Variants in SPHKAP observed in about 807,000 individuals in gnomAD.
SPHKAP encodes the protein SPHK1 interactor, AKAP domain containing.
A neutral mutation model predicts 137.5 loss-of-function variants in SPHKAP; 67 were observed. That is an observed-to-expected ratio of 0.49 (90% CI 0.40 to 0.60). The LOEUF is 0.60. SPHKAP is among the 20% of genes least tolerant of loss of function. The pLI is 0.00. For synonymous variants in SPHKAP, 813 were observed against 785.3 expected (o/e 1.04, Z -0.59); for missense variants, 2,097 against 2,069.3 (o/e 1.01, Z -0.26).
intron 1 of SPHKAP, among the ~76,000 whole-genome samples, chr2:228,141,004 A>G (rs1443842055): frequency 2.0e-5 from 3 of 152,186 alleles, no homozygotes; most frequent in African/African-American, 7.2e-5. Flanking sequence ...TAGCAAAAAA[A>G]CAGCCTAATA....
Position 228,017,727 on chromosome 2 carries a change from C to T in SPHKAP, c.3127G>A (p.Ala1043Thr). The part of the protein sequence containing the change: ...DSVNLFANEV[A>T]AKIMNLTEFS... ...TCCGTTAGGTTCATGATCTTGGCTGCCACTTCATTGGCAAAAAGATTGACA... is the reference window on the plus strand; with the variant it reads ...TCCGTTAGGTTCATGATCTTGGCTGTCACTTCATTGGCAAAAAGATTGACA... The change falls in exon 7 of 12, where the codon GCA becomes ACA. Residue 1043 changes from alanine to threonine, a missense_variant. Physicochemically the swap from Ala to Thr is moderately conservative, Grantham distance 58. Coordinates refer to ENST00000392056, the MANE Select transcript of SPHKAP (RefSeq NM_001142644.2). 1 of 1,614,058 alleles carries T rather than the reference C, an allele frequency of 6.2e-7. No individual in the cohort carries two copies. The highest frequency in any genetic ancestry group is 8.5e-7 in the Non-Finnish European group (1 of 1,179,996).
chr2:228,175,293 GTT>G (rs148627469), intron 1 of SPHKAP, among the ~76,000 whole-genome samples: 2 of 151,570 alleles, frequency 1.3e-5, no homozygotes, highest in African/African-American at 4.8e-5. Flanking sequence ...ATAAATGAAG[GTT>G]TTTTTTCATA....
At chr2:228,180,043 A>C (rs1376015926) in intron 1 of SPHKAP, among the ~76,000 whole-genome samples, 1 of 152,110 alleles carries the variant, frequency 6.6e-6, no homozygotes, top group Non-Finnish European at 1.5e-5. Context: ...CTTTCCAAAC[A>C]CCTTAATGCC....
intron 3 of SPHKAP, among the ~76,000 whole-genome samples, chr2:228,107,301 A>C (rs767930437): frequency 6.6e-6 from 1 of 152,100 alleles, no homozygotes; most frequent in Admixed American, 6.6e-5. Context: ...TATGAGTTCA[A>C]CTTTTTTAAT....
intron 1 of SPHKAP, among the ~76,000 whole-genome samples, chr2:228,180,396 C>A (rs1463554093): frequency 6.6e-6 from 1 of 152,206 alleles, no homozygotes; most frequent in Non-Finnish European, 1.5e-5. Flanking sequence ...CCTCCCCTCC[C>A]ACCGCATCTC....
At chr2:228,110,812 G>GGTTTT (rs988883191) in intron 2 of SPHKAP, among the ~76,000 whole-genome samples, 2 of 151,736 alleles carry the variant, frequency 1.3e-5, no homozygotes, top group Non-Finnish European at 2.9e-5. Flanking sequence ...CTCGCTAAAG[G>GGTTTT]GTTTTGTTTT....
chr2:228,000,519 G>A (rs1484020316), intron 7 of SPHKAP, among the ~76,000 whole-genome samples: 1 of 152,080 alleles, frequency 6.6e-6, no homozygotes, highest in Admixed American at 6.6e-5. Flanking sequence ...TCGGGAGGCT[G>A]AGGCAGGAGA....
In SPHKAP at chr2:228,017,941, T is replaced by A; in HGVS notation, c.2913A>T (p.Thr971=). 1.2e-6 allele frequency: 2 copies of A among 1,614,048 alleles called. No homozygotes were observed. The highest frequency in any genetic ancestry group is 1.3e-5 in the African/African-American group (1 of 74,994). ...TCAAGGATCGGCAGGGTACGTTGGG[T>A]GTCATCAGAAACTCACTCCCTCTTT... is the stretch of plus-strand genomic sequence containing the variant. The part of the protein sequence containing the change: ...AWKRGSEFLM[T]PNVPCRSLKR... Residue 971 remains threonine, a synonymous_variant, in exon 7 of 12, where the codon ACA becomes ACT. Transcript: ENST00000392056.
At chr2:228,151,210 T>G (rs1699918278) in intron 1 of SPHKAP, among the ~76,000 whole-genome samples, 1 of 151,966 alleles carries the variant, frequency 6.6e-6, no homozygotes, top group South Asian at 2.1e-4. Flanking sequence ...TGCGATAGTT[T>G]ACTGAGAATG....
At chr2:228,068,364 G>GAA (rs142931704) in intron 3 of SPHKAP, among the ~76,000 whole-genome samples, 3 of 144,856 alleles carry the variant, frequency 2.1e-5, no homozygotes, top group South Asian at 2.2e-4. Context: ...CACAGAAATA[G>GAA]AAAAAAAAAA....
At chr2:228,075,443 C>G (rs1020281281) in intron 3 of SPHKAP, among the ~76,000 whole-genome samples, 1 of 151,928 alleles carries the variant, frequency 6.6e-6, no homozygotes, top group Admixed American at 6.6e-5. Flanking sequence ...AAAGGCTGAC[C>G]AGTGTTTGGT....
intron 3 of SPHKAP, among the ~76,000 whole-genome samples, chr2:228,063,014 A>T (rs1696703740): frequency 6.6e-6 from 1 of 152,212 alleles, no homozygotes; most frequent in South Asian, 2.1e-4. Flanking sequence ...TCTGAACAGA[A>T]ACAAGCTTTA....
intron 3 of SPHKAP, among the ~76,000 whole-genome samples, chr2:228,102,353 A>G (rs1000583801): frequency 6.6e-6 from 1 of 152,174 alleles, no homozygotes; most frequent in African/African-American, 2.4e-5. Flanking sequence ...ATACTTAAAT[A>G]GTCATAGAGA....
chr2:228,049,647 T>A (rs1305480240), intron 3 of SPHKAP, among the ~76,000 whole-genome samples: 1 of 152,172 alleles, frequency 6.6e-6, no homozygotes, highest in African/African-American at 2.4e-5. Flanking sequence ...GCCCTTGGAC[T>A]CCCACCTCTC....
rs1343548749 is a variant in SPHKAP at position 228,132,058 on chromosome 2, G to A, written c.60C>T (p.Asp20=). The change falls in exon 2 of 12, where the codon GAC becomes GAT. Residue 20 remains aspartate, a synonymous_variant. Coordinates refer to ENST00000392056, the MANE Select transcript of SPHKAP (RefSeq NM_001142644.2). ...CTCTGCCCTGCTGCGGTTCCAAAAC[G>A]TCATACATCCGTGATGACTCCAAGT... The part of the protein sequence containing the change: ...PSNLESSRMY[D]VLEPQQGRGC... The A allele has an allele frequency of 2.4e-5, 39 of 1,613,788 alleles. No individual in the cohort carries two copies. Among genetic ancestry groups the A allele is most frequent in the Non-Finnish European group, 3.3e-5 (39 of 1,179,946 alleles).
At chr2:228,022,018 T>A in intron 5 of SPHKAP, 52 bp from the exon 6 acceptor site, 3 of 1,517,166 alleles carry the variant, frequency 2.0e-6, no homozygotes, top group Non-Finnish European at 2.6e-6. Context: ...AATAAAAGAC[T>A]ATTGCCTCTG....
chr2:228,149,592 G>C (rs1287614656), intron 1 of SPHKAP, among the ~76,000 whole-genome samples: 2 of 152,188 alleles, frequency 1.3e-5, no homozygotes, highest in African/African-American at 4.8e-5. Context: ...ACCATCTGTA[G>C]TCACAGAAGA....
chr2:228,150,337 T>C (rs1015831349), intron 1 of SPHKAP, among the ~76,000 whole-genome samples: 1 of 152,160 alleles, frequency 6.6e-6, no homozygotes, highest in African/African-American at 2.4e-5. Flanking sequence ...GCTGGGAGAA[T>C]TTGTATACTA....
intron 1 of SPHKAP, among the ~76,000 whole-genome samples, chr2:228,149,092 T>C (rs1699857099): frequency 6.6e-6 from 1 of 152,192 alleles, no homozygotes; most frequent in African/African-American, 2.4e-5. Flanking sequence ...ATTTGTTTTA[T>C]GAATATCTAG....
Sources: gnomAD v4.1 joint callset for allele counts (sites outside exome capture counted in the v4.1 genomes callset) on GRCh38, gnomAD v4.1.1 for gene constraint, MANE v1.5 for transcripts, NCBI Gene and HGNC (gene_info 2026-07-23, HGNC 2026-07-21) for gene names.